RYR3: variants seen among roughly 807,000 people sequenced by gnomAD.
The protein encoded by RYR3 is brain ryanodine receptor-calcium release channel.
RYR3 carries 207 observed loss-of-function variants against 584.3 expected under a neutral mutation model. That is an observed-to-expected ratio of 0.35 (90% CI 0.32 to 0.40). The LOEUF is 0.40. RYR3 is among the 10% of genes least tolerant of loss of function. RYR3 has a pLI of 1.00. For missense variants in RYR3, 5,616 were observed against 6,089.2 expected (o/e 0.92, Z 2.59); for synonymous variants, 2,416 against 2,248.5 (o/e 1.07, Z -2.11).
intron 10 of RYR3, among the ~76,000 whole-genome samples, chr15:33,554,435 A>G (rs1221095892): frequency 6.6e-6 from 1 of 151,874 alleles, no homozygotes; most frequent in Non-Finnish European, 1.5e-5. Flanking sequence ...AGCTGGGACT[A>G]CAGGCACCCA....
At chr15:33,356,775 A>T (rs1370598718) in intron 1 of RYR3, among the ~76,000 whole-genome samples, 3 of 152,168 alleles carry the variant, frequency 2.0e-5, no homozygotes, top group Non-Finnish European at 2.9e-5. Flanking sequence ...GTAAGGTAAG[A>T]TTGAGGTTTG....
chr15:33,849,704 T>A (rs767770579), intron 94 of RYR3: 4 of 152,226 alleles, frequency 2.6e-5, no homozygotes, highest in Admixed American at 6.5e-5. Flanking sequence ...AAGATAGGCA[T>A]GTTAAGAAAC....
rs763887633 is a variant in RYR3, at chr15:33,865,274, A to C, written c.*48A>C. ...AATTCTGGACAGTCAACTTCCCATGAAATAAAGTCCCCTTTTTACAGTTCT... is the reference window on the plus strand; with the variant it reads ...AATTCTGGACAGTCAACTTCCCATGCAATAAAGTCCCCTTTTTACAGTTCT... On this transcript the variant is annotated 3_prime_UTR_variant, in exon 104 of 104. Coordinates refer to ENST00000634891, the MANE Select transcript of RYR3 (RefSeq NM_001036.6). 10 of 1,341,998 alleles carry C rather than the reference A, an allele frequency of 7.5e-6. No homozygotes were observed. Among genetic ancestry groups the C allele is most frequent in the Admixed American group, 1.8e-5 (1 of 55,606 alleles). 83.1% of individuals were successfully genotyped at this position (1,341,998 alleles called of 1,614,324 possible). A position where few individuals can be genotyped will look rare whatever the true frequency, so the allele number is the denominator to read the frequency against.
At chr15:33,325,414 T>C (rs1261912582) in intron 1 of RYR3, among the ~76,000 whole-genome samples, 1 of 152,218 alleles carries the variant, frequency 6.6e-6, no homozygotes, top group East Asian at 1.9e-4. Flanking sequence ...TATTGAATGG[T>C]CCAAGATTAA....
At chr15:33,672,780 A>G (rs1399067949) in intron 38 of RYR3, among the ~76,000 whole-genome samples, 3 of 152,014 alleles carry the variant, frequency 2.0e-5, no homozygotes, top group Non-Finnish European at 4.4e-5. Context: ...AGATAGTGTT[A>G]GAAACGTTAT....
chr15:33,715,722 G>A (rs911337197), intron 43 of RYR3, among the ~76,000 whole-genome samples: 2 of 152,172 alleles, frequency 1.3e-5, no homozygotes, highest in African/African-American at 2.4e-5. Flanking sequence ...ATAGTACCAT[G>A]TTGCTGCATC....
At chr15:33,790,239 C>T (rs1387743666) in intron 67 of RYR3, among the ~76,000 whole-genome samples, 1 of 151,844 alleles carries the variant, frequency 6.6e-6, no homozygotes, top group Non-Finnish European at 1.5e-5. Flanking sequence ...GTGATCCACC[C>T]ACCTCGACCT....
intron 81 of RYR3, among the ~76,000 whole-genome samples, chr15:33,825,107 G>A (rs1011142264): frequency 7.9e-5 from 12 of 152,176 alleles, no homozygotes; most frequent in Admixed American, 2.0e-4. Flanking sequence ...ATAAAAGGGC[G>A]TGGCCCTTTG....
intron 57 of RYR3, among the ~76,000 whole-genome samples, chr15:33,751,755 T>G (rs1036064725): frequency 6.6e-6 from 1 of 152,200 alleles, no homozygotes; most frequent in Non-Finnish European, 1.5e-5. Context: ...TTTGTCAATT[T>G]TGGCTTTTGT....
At chr15:33,674,343 A>AACAC (rs373877253) in intron 38 of RYR3, among the ~76,000 whole-genome samples, 7 of 151,714 alleles carry the variant, frequency 4.6e-5, no homozygotes, top group Non-Finnish European at 7.4e-5. Context: ...CCTCTCCCTA[A>AACAC]ACACACACAC....
Position 33,853,592 on chromosome 15 carries a change from G to A in RYR3, c.13709G>A (p.Arg4570His), listed in dbSNP as rs540595603. Residue 4570 changes from arginine (R) to histidine (H), a missense_variant, in exon 96 of 104, where the codon CGC becomes CAC. Arg to His is a conservative substitution (Grantham distance 29, BLOSUM62 0). Coordinates refer to ENST00000634891, the MANE Select transcript of RYR3 (RefSeq NM_001036.6). The stretch of plus-strand genomic sequence containing the variant: ...TATGGAGATCTCTACGGAGCAGAAC[G>A]CATTGCTGAACTTCTGGGTTTGGAC... ...NKYGDLYGAE[R>H]IAELLGLDKN... 4 of 1,613,928 alleles carry A rather than the reference G, an allele frequency of 2.5e-6. No individual in the cohort carries two copies. The highest frequency in any genetic ancestry group is 1.6e-4 in the Middle Eastern group (1 of 6,062).
Position 33,311,170 on chromosome 15 carries a change from T to A in RYR3, c.51+74T>A. ...CGGAGCGCGGCGAGGAGGGGCTGGCTGCGCTGCGCCGCGGTGCCGGGTGCC... is the reference window on the plus strand; with the variant it reads ...CGGAGCGCGGCGAGGAGGGGCTGGCAGCGCTGCGCCGCGGTGCCGGGTGCC... On this transcript the variant is annotated intron_variant, in intron 1 of 103. Transcript: ENST00000634891. This position sits in a 1 kb window ranked among gnomAD's most constrained non-coding sequence, Gnocchi z 4.4. The A allele has an allele frequency of 8.4e-7, 1 of 1,189,288 alleles. No homozygotes were observed. The highest frequency in any genetic ancestry group is 1.1e-6 in the Non-Finnish European group (1 of 885,560). The allele number at this position is 1,189,288 out of a possible 1,614,324, so 73.7% of individuals were successfully genotyped here. A position where few individuals can be genotyped will look rare whatever the true frequency, so the allele number is the denominator to read the frequency against.
At chr15:33,334,278 A>G (rs1970700104) in intron 1 of RYR3, among the ~76,000 whole-genome samples, 2 of 152,336 alleles carry the variant, frequency 1.3e-5, no homozygotes, top group Non-Finnish European at 2.9e-5. Context: ...TCAACTTCAA[A>G]CTATACTAAA....
At chr15:33,523,902 AC>A (rs1197446806) in intron 3 of RYR3, among the ~76,000 whole-genome samples, 3 of 152,046 alleles carry the variant, frequency 2.0e-5, no homozygotes, top group Non-Finnish European at 4.4e-5. Flanking sequence ...TTTCCGTGTA[AC>A]ACCAAGGGTA....
intron 2 of RYR3, among the ~76,000 whole-genome samples, chr15:33,489,956 TA>T (rs1385263071): frequency 1.3e-5 from 2 of 152,222 alleles, no homozygotes. Context: ...TCATTCTTTT[TA>T]AATAATGACC....
At chr15:33,420,668 G>T (rs574261047) in intron 1 of RYR3, among the ~76,000 whole-genome samples, 3 of 143,134 alleles carry the variant, frequency 2.1e-5, no homozygotes, top group Non-Finnish European at 4.6e-5. Context: ...CTTTTCCTTC[G>T]ATTTTTTTTT....
chr15:33,564,943 T>C (rs1281069645), intron 11 of RYR3, among the ~76,000 whole-genome samples: 2 of 152,230 alleles, frequency 1.3e-5, no homozygotes, highest in African/African-American at 4.8e-5. Context: ...TGTCTAAATC[T>C]GTTATGTTTT....
chr15:33,753,240 T>C (rs2152854735), intron 57 of RYR3, among the ~76,000 whole-genome samples: 1 of 152,358 alleles, frequency 6.6e-6, no homozygotes, highest in African/African-American at 2.4e-5. Context: ...TGTTGTTTTA[T>C]ATGATATCTT....
chr15:33,752,716 C>A (rs542618285), intron 57 of RYR3, among the ~76,000 whole-genome samples: 2 of 152,278 alleles, frequency 1.3e-5, no homozygotes, highest in African/African-American at 4.8e-5. Flanking sequence ...ATTGAATACC[C>A]TTTATTTCTT....
Sources: allele counts gnomAD v4.1 joint callset (sites outside exome capture counted in the v4.1 genomes callset), GRCh38; gene constraint gnomAD v4.1.1; non-coding constraint Gnocchi (gnomAD v3.1); transcripts MANE v1.5; gene names NCBI Gene and HGNC (gene_info 2026-07-23, HGNC 2026-07-21).